CAMTA1: variants seen among roughly 807,000 people sequenced by gnomAD.
CAMTA1 encodes the protein calmodulin binding transcription activator 1.
CAMTA1 carries 27 observed loss-of-function variants against 170.9 expected under a neutral mutation model. That is an observed-to-expected ratio of 0.16 (90% CI 0.12 to 0.22). The LOEUF (loss-of-function observed/expected upper bound fraction) is 0.22. CAMTA1 is among the 10% of genes least tolerant of loss of function. The pLI is 1.00. For synonymous variants in CAMTA1, 833 were observed against 891.5 expected, an observed-to-expected ratio of 0.93 and a Z score of 1.17; for missense variants, 1,619 against 2,217.2, an observed-to-expected ratio of 0.73 and a Z score of 5.42.
chr1:7,181,904 C>G (rs1316180754), intron 4 of CAMTA1, among the ~76,000 whole-genome samples: 1 of 151,914 alleles, frequency 6.6e-6, no homozygotes, highest in East Asian at 1.9e-4. Flanking sequence ...CCACGATAAC[C>G]CTGCAAATTA....
intron 6 of CAMTA1, among the ~76,000 whole-genome samples, chr1:7,501,333 C>G (rs528048967): frequency 6.6e-6 from 1 of 152,174 alleles, no homozygotes; most frequent in African/African-American, 2.4e-5. Flanking sequence ...GAAGGGAGGC[C>G]TGAGAACGGC....
intron 4 of CAMTA1, among the ~76,000 whole-genome samples, chr1:7,128,218 C>T (rs558575349): frequency 2.0e-5 from 3 of 152,170 alleles, no homozygotes; most frequent in Admixed American, 6.5e-5. Flanking sequence ...CCCCCTACCT[C>T]GCCCATGTGC....
At position 7,732,896 on chromosome 1, in the gene CAMTA1, T is replaced by C. The variant is rs2096744512; in HGVS notation, c.3066+297T>C. 2.0e-5 allele frequency among the ~76,000 whole-genome samples: 3 copies of C among 152,038 alleles called. No homozygotes were observed. The highest frequency in any genetic ancestry group is 4.4e-5 in the Non-Finnish European group (3 of 67,998). On this transcript the variant is annotated intron_variant, in intron 12 of 22. Coordinates refer to ENST00000303635, the MANE Select transcript of CAMTA1 (RefSeq NM_015215.4). The surrounding 1 kb of genome is among the most constrained non-coding windows in gnomAD (Gnocchi z 4.1). ...GGCAGTGGGAATTAAGGACAACCAA[T>C]TGAAAAATAGAGGCTGGCTGGGCAT...
At chr1:7,239,442 T>C (rs759529530) in intron 4 of CAMTA1, among the ~76,000 whole-genome samples, 45 of 152,140 alleles carry the variant, frequency 3.0e-4, no homozygotes, top group Non-Finnish European at 5.0e-4. Context: ...GCTCTTTTTT[T>C]CTCTCTTACT....
chr1:7,356,185 C>T (rs1339630212), intron 5 of CAMTA1, among the ~76,000 whole-genome samples: 2 of 152,200 alleles, frequency 1.3e-5, no homozygotes, highest in African/African-American at 2.4e-5. Context: ...TGTTCTTACA[C>T]ACCTAGAGGA....
intron 6 of CAMTA1, among the ~76,000 whole-genome samples, chr1:7,472,443 C>G (rs1219576255): frequency 6.6e-6 from 1 of 152,134 alleles, no homozygotes; most frequent in African/African-American, 2.4e-5. Context: ...CAGTGAGCCT[C>G]CACCACGCAC....
chr1:7,201,971 G>A (rs1490468031), intron 4 of CAMTA1, among the ~76,000 whole-genome samples: 7 of 152,122 alleles, frequency 4.6e-5, no homozygotes, highest in South Asian at 4.1e-4. Flanking sequence ...ATCCAAGGCC[G>A]TGAATGTTTA....
chr1:7,488,073 TGC>T (rs1430893380), intron 6 of CAMTA1, among the ~76,000 whole-genome samples: 1 of 152,218 alleles, frequency 6.6e-6, no homozygotes, highest in Non-Finnish European at 1.5e-5. Context: ...TCTGGAATCT[TGC>T]TAGAGTCTCT....
rs537281135 is a variant in CAMTA1, at chr1:7,098,497, C to T, written c.302+7126C>T. ...TGCCCGAGGACTTCCTCGCAGGGTA[C>T]CTGTCACGTAGTTTTCATTTGTTTC... On this transcript the variant is annotated intron_variant, in intron 4 of 22. Coordinates refer to ENST00000303635, the MANE Select transcript of CAMTA1 (RefSeq NM_015215.4). Among the ~76,000 whole-genome samples the T allele has an allele frequency of 3.3e-5, 5 of 152,300 alleles. No individual in the cohort carries two copies. The South Asian group carries it at 1.0e-3, about 32-fold the overall frequency.
intron 3 of CAMTA1, among the ~76,000 whole-genome samples, chr1:6,913,342 C>T (rs1473462376): frequency 1.3e-5 from 2 of 152,136 alleles, no homozygotes; most frequent in African/African-American, 2.4e-5. Flanking sequence ...TCAGGACGGT[C>T]AGAGCTCTGC....
chr1:7,654,925 TACAC>T (rs1353107150), intron 7 of CAMTA1, among the ~76,000 whole-genome samples: 1 of 129,910 alleles, frequency 7.7e-6, no homozygotes, highest in East Asian at 2.4e-4. Context: ...CACCCATCTA[TACAC>T]ACACAAGCAC....
intron 5 of CAMTA1, among the ~76,000 whole-genome samples, chr1:7,446,461 C>T (rs963333442): frequency 1.3e-5 from 2 of 152,152 alleles, no homozygotes; most frequent in African/African-American, 4.8e-5. Flanking sequence ...CCCACGGGTA[C>T]AGGGAATCCT....
intron 3 of CAMTA1, among the ~76,000 whole-genome samples, chr1:6,883,204 A>G (rs989924929): frequency 2.6e-5 from 4 of 152,148 alleles, no homozygotes; most frequent in Admixed American, 6.6e-5. Flanking sequence ...AAGGAAGCTC[A>G]TGTTTCAAAG....
At chr1:6,992,716 A>G (rs981327939) in intron 3 of CAMTA1, among the ~76,000 whole-genome samples, 7 of 152,208 alleles carry the variant, frequency 4.6e-5, no homozygotes, top group African/African-American at 4.8e-5. Context: ...GAAGTGCCAC[A>G]TACTTTTAAA....
At chr1:7,737,228 C>T (rs112969510) in intron 14 of CAMTA1, 27 bp from the exon 15 acceptor site, 136 of 1,601,098 alleles carry the variant, frequency 8.5e-5, no homozygotes, top group Middle Eastern at 6.7e-4. Context: ...TGATTGAGAA[C>T]GCTTGCTGTG....
chr1:6,922,833 A>G (rs1428610461), intron 3 of CAMTA1, among the ~76,000 whole-genome samples: 2 of 152,120 alleles, frequency 1.3e-5, no homozygotes, highest in African/African-American at 4.8e-5. Flanking sequence ...AAAGCGCCCT[A>G]GGGAGGGCCA....
chr1:7,396,476 T>A (rs1592202), intron 5 of CAMTA1, among the ~76,000 whole-genome samples: 107,821 of 152,204 alleles, frequency 0.71, 38,697 homozygotes, highest in Middle Eastern at 0.8. Context: ...TCCAACTTGG[T>A]TGCCCTTTAT....
chr1:7,458,942 G>T (rs2093021890), intron 5 of CAMTA1, among the ~76,000 whole-genome samples: 1 of 152,326 alleles, frequency 6.6e-6, no homozygotes, highest in South Asian at 2.1e-4. Context: ...AAGTTCTGAG[G>T]CGCCATGCTT....
intron 6 of CAMTA1, among the ~76,000 whole-genome samples, chr1:7,563,043 GC>G (rs1240352977): frequency 6.6e-6 from 1 of 152,206 alleles, no homozygotes; most frequent in Non-Finnish European, 1.5e-5. Context: ...TCAACAGCCA[GC>G]CCCTGCTGGG....
Sources: gnomAD v4.1 joint callset for allele counts (sites outside exome capture counted in the v4.1 genomes callset) on GRCh38, gnomAD v4.1.1 for gene constraint, Gnocchi (gnomAD v3.1) non-coding constraint, MANE v1.5 for transcripts, NCBI Gene and HGNC (gene_info 2026-07-23, HGNC 2026-07-21) for gene names.